Variants in POLR3E observed in about 807,000 individuals in gnomAD.
POLR3E encodes the protein DNA-directed RNA polymerase III subunit RPC5.
In POLR3E, 41 loss-of-function variants were observed where a neutral mutation model predicts 96.6. The ratio of observed to expected loss-of-function variants is 0.42; its 90% confidence interval spans 0.33 to 0.55. The LOEUF (loss-of-function observed/expected upper bound fraction) is 0.55, where lower values mean the gene tolerates loss of function less well. Among genes scored for constraint, POLR3E ranks in the 20% least tolerant of loss-of-function variants. POLR3E has a pLI of 0.06. For missense variants in POLR3E, 849 were observed against 952.1 expected, an observed-to-expected ratio of 0.89 and a Z score of 1.43; for synonymous variants, 396 against 383.6, an observed-to-expected ratio of 1.03 and a Z score of -0.38.
chr16:22,325,688 C>T, intron 17 of POLR3E, 73 bp from the exon 18 acceptor site: 1 of 1,473,946 alleles, frequency 6.8e-7, no homozygotes. Flanking sequence ...TGCTGCAGCC[C>T]CGCGGTCCCC....
intron 6 of POLR3E, among the ~76,000 whole-genome samples, chr16:22,312,825 G>A (rs1338260512): frequency 7.3e-6 from 1 of 136,320 alleles, no homozygotes; most frequent in African/African-American, 2.9e-5. Context: ...CGAGATCATG[G>A]CACTGCACTC....
intron 2 of POLR3E, among the ~76,000 whole-genome samples, chr16:22,303,878 C>A (rs1318897625): frequency 7.4e-6 from 1 of 135,290 alleles, no homozygotes; most frequent in Admixed American, 8.3e-5. Context: ...GTAGTGTTAT[C>A]TTGGCTCACC....
rs1253472300 is a variant in POLR3E, at chr16:22,316,545, G to C, written c.643-56G>C. The C allele has an allele frequency of 2.9e-6, 4 of 1,392,996 alleles. No homozygotes were observed. In the African/African-American group the frequency reaches 4.2e-5, roughly 15 times the overall value. 86.3% of individuals were successfully genotyped at this position (1,392,996 alleles called of 1,614,324 possible). On this transcript the variant is annotated intron_variant, in intron 9 of 20. Coordinates refer to ENST00000299853, the MANE Select transcript of POLR3E (RefSeq NM_018119.4). ...AAGACGGGAGGCCTTGGGGGAGGGG[G>C]CCCAGGCCAGGGCCATCAGCTGAGG...
chr16:22,307,572 C>T (rs1461566250), intron 3 of POLR3E, among the ~76,000 whole-genome samples: 1 of 152,168 alleles, frequency 6.6e-6, no homozygotes, highest in Non-Finnish European at 1.5e-5. Flanking sequence ...CTGTGTGAGC[C>T]ATTCACATAA....
chr16:22,316,673 G>A lies in POLR3E; in HGVS notation c.715G>A (p.Val239Ile), dbSNP rs754906748. 16 of 1,613,610 alleles carry A rather than the reference G, an allele frequency of 9.9e-6. No homozygotes were observed. The highest frequency in any genetic ancestry group is 1.6e-4 in the Middle Eastern group (1 of 6,084). The change falls in exon 10 of 21, where the codon GTC (valine) becomes ATC (isoleucine). Residue 239 changes from valine to isoleucine, a missense_variant. Val to Ile is a conservative substitution (Grantham distance 29, BLOSUM62 3). Transcript: ENST00000299853. ...GSSGVENTEL[V>I]KSPSEYLMML... ...AAGCGGGGTGGAGAACACGGAGCTCGTCAAGTCACCCAGGTGGGATGGGCT... is the reference window on the plus strand; with the variant it reads ...AAGCGGGGTGGAGAACACGGAGCTCATCAAGTCACCCAGGTGGGATGGGCT...
Position 22,310,643 on chromosome 16 carries a change from A to T in POLR3E, c.364+1133A>T, listed in dbSNP as rs1009999184. Among the ~76,000 whole-genome samples the T allele has an allele frequency of 5.5e-5, 8 of 146,776 alleles. No homozygotes were observed. The East Asian group carries it at 1.6e-3, about 30-fold the overall frequency. On this transcript the variant is annotated intron_variant, in intron 6 of 20. Transcript: ENST00000299853. ...AGTTTAAAAAAAAAAAAAAAAAGGT[A>T]AAAAGCATATAGCCGGGTGTGTTGC...
chr16:22,317,069 C>T (rs769376597), intron 11 of POLR3E, 30 bp downstream of exon 11: 6 of 1,613,770 alleles, frequency 3.7e-6, no homozygotes, highest in Middle Eastern at 1.6e-4. Context: ...CACCCTCTCC[C>T]TTTCCGGGCT....
chr16:22,323,134 A>G (rs1345759036), intron 14 of POLR3E, among the ~76,000 whole-genome samples: 1 of 151,376 alleles, frequency 6.6e-6, no homozygotes, highest in East Asian at 2.0e-4. Flanking sequence ...CCTCTAGCGC[A>G]GTCGGGGGGT....
chr16:22,321,964 C>T (rs1388955071), intron 13 of POLR3E, among the ~76,000 whole-genome samples: 1 of 152,236 alleles, frequency 6.6e-6, no homozygotes, highest in African/African-American at 2.4e-5. Context: ...ATGGACCGGG[C>T]TCTCATTCAG....
At chr16:22,331,068 G>C (rs569839335) in intron 19 of POLR3E, among the ~76,000 whole-genome samples, 21 of 123,190 alleles carry the variant, frequency 1.7e-4, no homozygotes, top group Non-Finnish European at 1.9e-4. Context: ...GCAATGGCAC[G>C]ATCTCGGCTC....
intron 14 of POLR3E, among the ~76,000 whole-genome samples, chr16:22,323,278 T>C (rs370780099): frequency 6.6e-6 from 1 of 152,138 alleles, no homozygotes; most frequent in Admixed American, 6.5e-5. Context: ...TCAAGGGTAA[T>C]TGGACTCCCT....
In POLR3E at chr16:22,318,162, C is replaced by T. The variant is rs982872142; in HGVS notation, c.866-664C>T. 6.6e-6 allele frequency among the ~76,000 whole-genome samples: 1 copy of T among 152,028 alleles called. No homozygotes were observed. ...AGGCTGGAGTGCAGTGGCACAATCT[C>T]GGCTCACTGCAACCTCCGCCTCCCG... On this transcript the variant is annotated intron_variant, in intron 12 of 20. Transcript: ENST00000299853. The surrounding 1 kb of genome is among the most constrained non-coding windows in gnomAD (Gnocchi z 5.0).
At chr16:22,321,201 A>G (rs1235487947) in intron 13 of POLR3E, among the ~76,000 whole-genome samples, 3 of 152,192 alleles carry the variant, frequency 2.0e-5, no homozygotes, top group African/African-American at 4.8e-5. Flanking sequence ...ACCAGTGCAG[A>G]CCCTTGGTAA....
Position 22,317,148 on chromosome 16 carries a change from G to T in POLR3E, c.807G>T (p.Ser269=), listed in dbSNP as rs756511059. 3 of 1,614,076 alleles carry T rather than the reference G, an allele frequency of 1.9e-6. No individual in the cohort carries two copies. Among genetic ancestry groups the T allele is most frequent in the South Asian group, 2.2e-5 (2 of 91,088 alleles). ...CTGTGGCCCCCAGCAACGTCCTGTC[G>T]ATGGCCCAGCTGCGCACGCTGCCCC... ...DKPVAPSNVL[S]MAQLRTLPLA... is the part of the protein sequence containing the mutation. Residue 269 remains serine (S), a synonymous_variant, in exon 12 of 21, where the codon TCG becomes TCT. Coordinates refer to ENST00000299853, the MANE Select transcript of POLR3E (RefSeq NM_018119.4).
chr16:22,305,908 A>G (rs1385001583), intron 3 of POLR3E, among the ~76,000 whole-genome samples: 1 of 152,250 alleles, frequency 6.6e-6, no homozygotes, highest in African/African-American at 2.4e-5. Context: ...ATATTGAGAT[A>G]GAATTTACAC....
chr16:22,305,974 G>T (rs925961998), intron 3 of POLR3E, among the ~76,000 whole-genome samples: 5 of 152,040 alleles, frequency 3.3e-5, no homozygotes, highest in Admixed American at 3.3e-4. Flanking sequence ...TCTACTCATG[G>T]GGCTGTGCAA....
chr16:22,309,167 G>A (rs1344811600), intron 5 of POLR3E, 127 bp downstream of exon 5: 2 of 693,242 alleles, frequency 2.9e-6, no homozygotes, highest in Non-Finnish European at 5.0e-6. Context: ...GCCTTTGGAG[G>A]GCTGGGCCTG....
chr16:22,309,882 T>C, intron 6 of POLR3E: 1 of 248,072 alleles, frequency 4.0e-6, no homozygotes, highest in South Asian at 7.2e-5. Flanking sequence ...TGAAAACATG[T>C]GTCCACACAA....
At chr16:22,316,951 G>A in intron 10 of POLR3E, 44 bp from the exon 11 acceptor site, 1 of 1,607,738 alleles carries the variant, frequency 6.2e-7, no homozygotes, top group Non-Finnish European at 8.5e-7. Context: ...GGAGGGTCCA[G>A]CCTGGATCAG....
Sources: allele counts gnomAD v4.1 joint callset (sites outside exome capture counted in the v4.1 genomes callset), GRCh38; gene constraint gnomAD v4.1.1; non-coding constraint Gnocchi (gnomAD v3.1); transcripts MANE v1.5; gene names NCBI Gene and HGNC (gene_info 2026-07-23, HGNC 2026-07-21).